Variants in ITGA8 observed in about 807,000 individuals in gnomAD.
ITGA8 encodes integrin alpha-8.
A neutral mutation model predicts 142.3 loss-of-function variants in ITGA8; 91 were observed. The observed-to-expected ratio is 0.64, with a 90% CI of 0.54 to 0.76. The LOEUF (loss-of-function observed/expected upper bound fraction) is 0.76, where lower values mean the gene tolerates loss of function less well. Among genes scored for constraint, ITGA8 ranks in the 30% least tolerant of loss-of-function variants. The pLI is 0.00. For synonymous variants in ITGA8, 505 were observed against 485.2 expected (o/e 1.04, Z -0.54); for missense variants, 1,406 against 1,327.7 (o/e 1.06, Z -0.92).
At chr10:15,575,776 T>C (rs1483208051) in intron 23 of ITGA8, among the ~76,000 whole-genome samples, 182 bp from the exon 24 acceptor site, 4 of 152,212 alleles carry the variant, frequency 2.6e-5, no homozygotes, top group African/African-American at 9.7e-5. Flanking sequence ...CAGTGAAGGA[T>C]CTGAAACTGC....
intron 22 of ITGA8, among the ~76,000 whole-genome samples, chr10:15,588,258 C>A (rs1424973742): frequency 2.6e-5 from 4 of 152,104 alleles, no homozygotes; most frequent in Non-Finnish European, 5.9e-5. Context: ...AAAGTCCTGG[C>A]CGATTGTATA....
Position 15,678,761 on chromosome 10 carries a change from C to G in ITGA8, c.591G>C (p.Gln197His). 1 of 1,610,070 alleles carries G rather than the reference C, an allele frequency of 6.2e-7. No homozygotes were observed. The highest frequency in any genetic ancestry group is 8.5e-7 in the Non-Finnish European group (1 of 1,176,762). The change falls in exon 5 of 30, where the codon CAG (glutamine) becomes CAC (histidine). Residue 197 changes from glutamine (Q) to histidine (H), a missense_variant. Transcript: ENST00000378076. Reference protein sequence around the residue: ...CRNSNADPEGQGYCQAGFSLD... With the variant: ...CRNSNADPEGHGYCQAGFSLD... ...GACTAAATCCTGCTTGGCAGTAACC[C>G]TGGCCTTCCGGATCAGCATTGCCTA...
At chr10:15,543,652 T>C (rs932108901) in intron 27 of ITGA8, among the ~76,000 whole-genome samples, 2 of 152,214 alleles carry the variant, frequency 1.3e-5, no homozygotes, top group East Asian at 3.8e-4. Context: ...ATTTACTAGA[T>C]TAAAGAAATT....
rs563199845 is a variant in ITGA8 at position 15,674,247 on chromosome 10, C to G, written c.677-1498G>C. Among the ~76,000 whole-genome samples the G allele has an allele frequency of 3.3e-5, 5 of 152,344 alleles. No individual in the cohort carries two copies. The East Asian group carries it at 7.7e-4, about 23-fold the overall frequency. ...TCTCTGGGTTACAGCTAAATACCCTCTTTCCTCCATCCCACATACACACTG... is the reference window on the plus strand; with the variant it reads ...TCTCTGGGTTACAGCTAAATACCCTGTTTCCTCCATCCCACATACACACTG... On this transcript the variant is annotated intron_variant, in intron 6 of 29. Transcript: ENST00000378076.
chr10:15,626,972 G>A (rs568828791), intron 13 of ITGA8, among the ~76,000 whole-genome samples: 18 of 152,264 alleles, frequency 1.2e-4, no homozygotes, highest in African/African-American at 4.3e-4. Flanking sequence ...GGGAGAGGAA[G>A]GGAAGAACAG....
At chr10:15,616,281 T>A (rs1833389444) in intron 14 of ITGA8, among the ~76,000 whole-genome samples, 1 of 152,236 alleles carries the variant, frequency 6.6e-6, no homozygotes, top group Admixed American at 6.5e-5. Context: ...ATCTGCTTCA[T>A]TTCATATCTT....
At chr10:15,658,138 A>G (rs901993013) in intron 10 of ITGA8, among the ~76,000 whole-genome samples, 13 of 152,166 alleles carry the variant, frequency 8.5e-5, no homozygotes, top group African/African-American at 3.1e-4. Context: ...TTCATTCTTA[A>G]AGGGAGCTTG....
At chr10:15,617,041 G>C (rs1833406788) in intron 13 of ITGA8, among the ~76,000 whole-genome samples, 1 of 152,190 alleles carries the variant, frequency 6.6e-6, no homozygotes, top group Non-Finnish European at 1.5e-5. Flanking sequence ...TATGGGTGGT[G>C]AGTATACTTT....
rs115579133 is a variant in ITGA8 at position 15,636,369 on chromosome 10, T to G, written c.1399+7661A>C. Among the ~76,000 whole-genome samples, 1,362 of 152,322 alleles carry G rather than the reference T, an allele frequency of 8.9e-3. 18 individuals are homozygous for G. Among genetic ancestry groups the G allele is most frequent in the African/African-American group, 0.031 (1,282 of 41,572 alleles). ...TACAGACCTGAACACATCTACATTT[T>G]GAATCAGAAAATGAATTTTGATGCT... is the stretch of plus-strand genomic sequence containing the variant. On this transcript the variant is annotated intron_variant, in intron 13 of 29. Transcript: ENST00000378076.
chr10:15,631,576 G>A (rs1220967665), intron 13 of ITGA8, among the ~76,000 whole-genome samples: 4 of 151,832 alleles, frequency 2.6e-5, no homozygotes, highest in African/African-American at 7.3e-5. Flanking sequence ...AGGGGTGGGA[G>A]GCTAGGGAAG....
intron 26 of ITGA8, 108 bp from the exon 27 acceptor site, chr10:15,548,676 T>G: frequency 3.2e-6 from 2 of 632,100 alleles, no homozygotes; most frequent in East Asian, 3.2e-5. Context: ...CACCTTATGA[T>G]AAATTATTAA....
intron 2 of ITGA8, among the ~76,000 whole-genome samples, chr10:15,694,322 TGATAATATATCATATATCA>T (rs1455582087): frequency 2.3e-3 from 28 of 11,934 alleles, no homozygotes; most frequent in Admixed American, 3.6e-3. Flanking sequence ...ATCATATATA[TGATAATATATCATATATCA>T]GATAATATAT....
intron 6 of ITGA8, among the ~76,000 whole-genome samples, chr10:15,673,772 A>C (rs184505742): frequency 6.2e-4 from 95 of 152,360 alleles, no homozygotes; most frequent in African/African-American, 2.3e-3. Flanking sequence ...AAAATTCAGC[A>C]AAAGAGAAAT....
intron 20 of ITGA8, among the ~76,000 whole-genome samples, chr10:15,600,730 A>C (rs1833089927): frequency 6.6e-6 from 1 of 152,208 alleles, no homozygotes; most frequent in South Asian, 2.1e-4. Flanking sequence ...AGGAGTTGGC[A>C]AGACAAACTA....
In ITGA8 at chr10:15,664,500, ACT is replaced by A. The variant is rs1834347541; in HGVS notation, c.848-3580_848-3579del. On this transcript the variant is annotated intron_variant, in intron 8 of 29. Transcript: ENST00000378076. ...TCCTAGAGGTGACCATATTTCATTT[ACT>A]CTTTTTTTTTTCCACATTTTATTAT... 3.1e-5 allele frequency among the ~76,000 whole-genome samples: 3 copies of A among 98,102 alleles called. No individual in the cohort carries two copies. The South Asian group carries it at 1.1e-3, about 35-fold the overall frequency. 64.4% of individuals were successfully genotyped at this position (98,102 alleles called of 152,430 possible).
chr10:15,531,942 T>C (rs1452020950), intron 27 of ITGA8, among the ~76,000 whole-genome samples: 2 of 146,168 alleles, frequency 1.4e-5, no homozygotes, highest in Non-Finnish European at 1.5e-5. Context: ...CAAAACTCTG[T>C]CTCAAAAAGA....
intron 27 of ITGA8, among the ~76,000 whole-genome samples, chr10:15,539,024 C>G (rs1427466231): frequency 2.1e-5 from 3 of 142,096 alleles, no homozygotes; most frequent in African/African-American, 7.7e-5. Flanking sequence ...TGGTTATAAA[C>G]TATACAAAGA....
chr10:15,626,522 T>C (rs538395970), intron 13 of ITGA8, among the ~76,000 whole-genome samples: 3 of 152,272 alleles, frequency 2.0e-5, no homozygotes, highest in Non-Finnish European at 2.9e-5. Flanking sequence ...CCCGGCCTCC[T>C]TTCTCTTTCT....
intron 15 of ITGA8, among the ~76,000 whole-genome samples, chr10:15,609,328 TA>T (rs1833251263): frequency 2.0e-5 from 3 of 152,246 alleles, no homozygotes. Context: ...CATAAACTTT[TA>T]CCAGTAAAAT....
Sources: allele counts gnomAD v4.1 joint callset (sites outside exome capture counted in the v4.1 genomes callset), GRCh38; gene constraint gnomAD v4.1.1; transcripts MANE v1.5; gene names NCBI Gene and HGNC (gene_info 2026-07-23, HGNC 2026-07-21).